ZNF589: variants seen among roughly 807,000 people sequenced by gnomAD.
The protein encoded by ZNF589 is zinc finger protein 589.
ZNF589 carries 17 observed loss-of-function variants against 13.6 expected under a neutral mutation model. That is an observed-to-expected ratio of 1.25 (90% CI 0.86 to 1.88). ZNF589 has a LOEUF of 1.88. Ranked by LOEUF, ZNF589 falls within the 40% of genes most tolerant of loss-of-function variation. The probability of loss-of-function intolerance (pLI) is 0.00; values close to 1 mark genes in which losing one functional copy is unlikely to be tolerated. For missense variants in ZNF589, 407 were observed against 434.0 expected, an observed-to-expected ratio of 0.94 and a Z score of 0.55; for synonymous variants, 148 against 161.6, an observed-to-expected ratio of 0.92 and a Z score of 0.64.
chr3:48,256,312 A>G, intron 2 of ZNF589: 1 of 475,980 alleles, frequency 2.1e-6, no homozygotes, highest in Non-Finnish European at 4.1e-6. Context: ...TCCACAGCGC[A>G]GGTGCAGGAG....
rs1396018378 is a variant in ZNF589 at position 48,270,067 on chromosome 3, G to A, written c.*1281G>A. On this transcript the variant is annotated 3_prime_UTR_variant, in exon 4 of 4. Coordinates refer to ENST00000354698, the MANE Select transcript of ZNF589 (RefSeq NM_016089.3). ...CGGTCCCCTTGGAGGAATGGTCTTT[G>A]CATCTGACTACTTCCTTCTGCAACT... 2.2e-6 allele frequency: 1 copy of A among 457,122 alleles called. No individual in the cohort carries two copies. Among genetic ancestry groups the A allele is most frequent in the Non-Finnish European group, 4.4e-6 (1 of 227,116 alleles). The allele number at this position is 457,122 out of a possible 1,614,324, so 28.3% of individuals were successfully genotyped here.
intron 2 of ZNF589, among the ~76,000 whole-genome samples, chr3:48,259,682 C>A (rs9850672): frequency 0.27 from 41,728 of 151,814 alleles, 6,099 homozygotes; most frequent in Non-Finnish European, 0.3. Flanking sequence ...AGTCCGAGGC[C>A]GGCAGATCAC....
chr3:48,258,059 A>C (rs2033928114), intron 2 of ZNF589: 1 of 315,826 alleles, frequency 3.2e-6, no homozygotes, highest in Non-Finnish European at 6.1e-6. Flanking sequence ...TATCTACAAA[A>C]AAATCTGGTT....
chr3:48,255,780 T>A (rs769609982), intron 2 of ZNF589, among the ~76,000 whole-genome samples: 48 of 151,778 alleles, frequency 3.2e-4, no homozygotes, highest in Admixed American at 1.8e-3. Flanking sequence ...AGAGCCACCA[T>A]GCCTGGCCAG....
chr3:48,250,894 T>C (rs1258911090), intron 2 of ZNF589, among the ~76,000 whole-genome samples: 1 of 152,068 alleles, frequency 6.6e-6, no homozygotes, highest in Non-Finnish European at 1.5e-5. Flanking sequence ...GTTAAAACTA[T>C]AAAATGGTTT....
chr3:48,247,533 G>A, intron 1 of ZNF589, 92 bp from the exon 2 acceptor site: 1 of 1,454,428 alleles, frequency 6.9e-7, no homozygotes, highest in Non-Finnish European at 9.5e-7. Flanking sequence ...GAAGGCTCAG[G>A]TGGCCACAGC....
chr3:48,270,242 C>T lies in ZNF589; in HGVS notation c.*1456C>T. 2.2e-6 allele frequency: 1 copy of T among 457,248 alleles called. No homozygotes were observed. The highest frequency in any genetic ancestry group is 1.5e-5 in the South Asian group (1 of 64,568). 28.3% of individuals were successfully genotyped at this position (457,248 alleles called of 1,614,324 possible). A position where few individuals can be genotyped will look rare whatever the true frequency, so the allele number is the denominator to read the frequency against. On this transcript the variant is annotated 3_prime_UTR_variant, in exon 4 of 4. Coordinates refer to ENST00000354698, the MANE Select transcript of ZNF589 (RefSeq NM_016089.3). ...TCTGAGGGACACCTTTACCAGGTCC[C>T]CTTCCTAACCCTCCAGTCCCAAATC...
chr3:48,252,723 C>T (rs1286249563), intron 2 of ZNF589, among the ~76,000 whole-genome samples: 3 of 145,006 alleles, frequency 2.1e-5, no homozygotes, highest in Non-Finnish European at 3.0e-5. Context: ...CTGGGGTTCA[C>T]GCCATTCTCT....
In ZNF589 at chr3:48,268,895, ACT is replaced by A. The variant is rs1425278055; in HGVS notation, c.*113_*114del. The A allele has an allele frequency of 4.4e-5, 63 of 1,431,466 alleles. No individual in the cohort carries two copies. The Admixed American group carries it at 1.2e-3, about 27-fold the overall frequency. 88.7% of individuals were successfully genotyped at this position (1,431,466 alleles called of 1,614,324 possible). A position where few individuals can be genotyped will look rare whatever the true frequency, so the allele number is the denominator to read the frequency against. On this transcript the variant is annotated 3_prime_UTR_variant, in exon 4 of 4. Transcript: ENST00000354698. ...TGGGCGAGGCTTTCGTGCTAAATCA[ACT>A]CTCCTCCTACACCAGTGGACACATT...
intron 1 of ZNF589, among the ~76,000 whole-genome samples, chr3:48,244,215 C>CT (rs1193409169): frequency 1.3e-5 from 2 of 152,060 alleles, no homozygotes; most frequent in African/African-American, 2.4e-5. Context: ...CTTAGATGGT[C>CT]TTTTTTGCTG....
intron 2 of ZNF589, chr3:48,256,868 A>T: frequency 9.5e-7 from 1 of 1,056,582 alleles, no homozygotes; most frequent in Non-Finnish European, 1.4e-6. Flanking sequence ...CCAGCTGGTC[A>T]CTGCTGGGCC....
intron 2 of ZNF589, among the ~76,000 whole-genome samples, chr3:48,259,289 T>G (rs1358097302): frequency 6.6e-6 from 1 of 152,232 alleles, no homozygotes; most frequent in African/African-American, 2.4e-5. Flanking sequence ...AGTTTCCTAC[T>G]CTTAGCTCAG....
Position 48,241,132 on chromosome 3 carries a change from G to T in ZNF589, c.-40G>T, listed in dbSNP as rs772660923. 6.2e-7 allele frequency: 1 copy of T among 1,611,082 alleles called. No homozygotes were observed. The highest frequency in any genetic ancestry group is 1.1e-5 in the South Asian group (1 of 90,912). On this transcript the variant is annotated 5_prime_UTR_variant, in exon 1 of 4. Coordinates refer to ENST00000354698, the MANE Select transcript of ZNF589 (RefSeq NM_016089.3). ...CATTCTAATCCGTTTCACACACGGT[G>T]CTGCTACCTCGTTTGCTTCGTGCGT... is the stretch of plus-strand genomic sequence containing the variant.
intron 2 of ZNF589, among the ~76,000 whole-genome samples, chr3:48,260,346 CT>C (rs2033957635): frequency 6.6e-6 from 1 of 152,132 alleles, no homozygotes; most frequent in Non-Finnish European, 1.5e-5. Context: ...CACTGTGTTG[CT>C]CAGGCTAGTC....
Position 48,270,378 on chromosome 3 carries a change from C to G in ZNF589, c.*1592C>G. 3 of 376,634 alleles carry G rather than the reference C, an allele frequency of 8.0e-6. No homozygotes were observed. Among genetic ancestry groups the G allele is most frequent in the South Asian group, 6.0e-5 (3 of 50,044 alleles). 23.3% of individuals were successfully genotyped at this position (376,634 alleles called of 1,614,324 possible). On this transcript the variant is annotated 3_prime_UTR_variant, in exon 4 of 4. Transcript: ENST00000354698. ...CTAGCAATGCTGCATCATCAGCCTTCCAATACCAGGTTTAAGGGTATTTTA... is the reference window on the plus strand; with the variant it reads ...CTAGCAATGCTGCATCATCAGCCTTGCAATACCAGGTTTAAGGGTATTTTA...
At position 48,268,948 on chromosome 3, in the gene ZNF589, G is replaced by C; in HGVS notation, c.*162G>C. On this transcript the variant is annotated 3_prime_UTR_variant, in exon 4 of 4. Transcript: ENST00000354698. Reference sequence around the variant, plus strand: ...CAGAGGTGAAACCTCACGTGTGTGAGGAGTGTGGGCATGGATTTAGCCAGA... The same window carrying C: ...CAGAGGTGAAACCTCACGTGTGTGACGAGTGTGGGCATGGATTTAGCCAGA... 9.4e-7 allele frequency: 1 copy of C among 1,063,562 alleles called. No individual in the cohort carries two copies. The highest frequency in any genetic ancestry group is 2.1e-4 in the Middle Eastern group (1 of 4,668). The allele number at this position is 1,063,562 out of a possible 1,614,324, so 65.9% of individuals were successfully genotyped here. A position where few individuals can be genotyped will look rare whatever the true frequency, so the allele number is the denominator to read the frequency against.
At position 48,247,649 on chromosome 3, in the gene ZNF589, G is replaced by A; in HGVS notation, c.68G>A (p.Trp23Ter). 1.2e-6 allele frequency: 2 copies of A among 1,613,010 alleles called. No individual in the cohort carries two copies. Reference sequence around the variant, plus strand: ...GCTCTGCCTGCCAAGGATTCTGCCTGGCCCTGGGAAGAGAAGCCTAGATAT... The same window carrying A: ...GCTCTGCCTGCCAAGGATTCTGCCTAGCCCTGGGAAGAGAAGCCTAGATAT... ...AEALPAKDSA[W>*]PWEEKPRYLG... Residue 23 changes from tryptophan to a stop codon, truncating the protein, a stop_gained, in exon 2 of 4, where the codon TGG becomes TAG. Coordinates refer to ENST00000354698, the MANE Select transcript of ZNF589 (RefSeq NM_016089.3). LOFTEE classifies it high-confidence loss of function.
chr3:48,241,120 T>C lies in ZNF589; in HGVS notation c.-52T>C. ...GCCCGCGGTGCGCATTCTAATCCGT[T>C]TCACACACGGTGCTGCTACCTCGTT... is the stretch of plus-strand genomic sequence containing the variant. On this transcript the variant is annotated 5_prime_UTR_variant, in exon 1 of 4. Transcript: ENST00000354698. 6.2e-7 allele frequency: 1 copy of C among 1,612,088 alleles called. No individual in the cohort carries two copies. Among genetic ancestry groups the C allele is most frequent in the Non-Finnish European group, 8.5e-7 (1 of 1,178,774 alleles).
chr3:48,243,683 C>T (rs1371403280), intron 1 of ZNF589, among the ~76,000 whole-genome samples: 3 of 151,490 alleles, frequency 2.0e-5, no homozygotes, highest in African/African-American at 7.3e-5. Flanking sequence ...TGGTGGTGCG[C>T]GCTTGTAATC....
Sources: gnomAD v4.1 joint callset for allele counts (sites outside exome capture counted in the v4.1 genomes callset) on GRCh38, gnomAD v4.1.1 for gene constraint, MANE v1.5 for transcripts, NCBI Gene and HGNC (gene_info 2026-07-23, HGNC 2026-07-21) for gene names.